ACOT1: variants seen among roughly 807,000 people sequenced by gnomAD.
The protein encoded by ACOT1 is acyl-CoA thioesterase 1.
Under a neutral mutation model 15.7 loss-of-function variants are expected in ACOT1, and 8 were observed. That is an observed-to-expected ratio of 0.51 (90% CI 0.30 to 0.92). The LOEUF is 0.92. Among genes scored for constraint, ACOT1 ranks in the 40% least tolerant of loss-of-function variants. ACOT1 has a pLI of 0.06. For synonymous variants in ACOT1, 67 were observed against 241.2 expected, an observed-to-expected ratio of 0.28 and a Z score of 6.69; for missense variants, 151 against 539.4, an observed-to-expected ratio of 0.28 and a Z score of 7.13.
the ACOT1 span, chr14:73,491,482 A>T: frequency 1.3e-6 from 2 of 1,498,280 alleles, no homozygotes; most frequent in Non-Finnish European, 1.8e-6. Flanking sequence ...CGCAACACTT[A>T]GCGGCCGTCC....
the ACOT1 span, chr14:73,500,561 G>C: frequency 6.2e-7 from 1 of 1,612,818 alleles, no homozygotes; most frequent in South Asian, 1.1e-5. Flanking sequence ...ATCTTGTCGC[G>C]GATCTGCAGG....
the ACOT1 span, among the ~76,000 whole-genome samples, chr14:73,526,520 G>T: frequency 6.6e-6 from 1 of 152,154 alleles, no homozygotes; most frequent in Admixed American, 6.5e-5. Context: ...AGCTCAGGGA[G>T]AGACTCCTAC....
chr14:73,491,884 G>A, the ACOT1 span: 2 of 1,611,528 alleles, frequency 1.2e-6, no homozygotes, highest in African/African-American at 2.7e-5. Flanking sequence ...CGTGGTCCCT[G>A]TACCAGGCCG....
chr14:73,496,784 A>G, the ACOT1 span: 2 of 686,886 alleles, frequency 2.9e-6, no homozygotes, highest in Admixed American at 2.5e-5. Flanking sequence ...CCAAGTTCCA[A>G]TCCTAACTGT....
the ACOT1 span, chr14:73,496,491 G>C: frequency 1.5e-6 from 1 of 676,896 alleles, no homozygotes; most frequent in East Asian, 2.6e-5. Flanking sequence ...GTTTTAGAAA[G>C]TACTTCTATG....
chr14:73,506,062 T>A, the ACOT1 span, among the ~76,000 whole-genome samples: 1 of 152,012 alleles, frequency 6.6e-6, no homozygotes, highest in East Asian at 1.9e-4. Context: ...TGCTAATTTT[T>A]GTATTTTTAG....
the ACOT1 span, chr14:73,491,556 C>G: frequency 6.5e-7 from 1 of 1,538,472 alleles, no homozygotes; most frequent in Non-Finnish European, 8.7e-7. Flanking sequence ...GGGGAGCCGG[C>G]CTGGGACTCC....
At chr14:73,509,531 G>A in the ACOT1 span, 3 of 1,580,960 alleles carry the variant, frequency 1.9e-6, no homozygotes, top group South Asian at 1.1e-5. Context: ...CTCACACACA[G>A]CTTCCTTCCT....
chr14:73,496,513 G>T, the ACOT1 span: 1 of 778,206 alleles, frequency 1.3e-6, no homozygotes. Context: ...TGGGAAAAAG[G>T]GTATGTACAT....
chr14:73,509,866 A>ATATATATATT, the ACOT1 span, among the ~76,000 whole-genome samples: 1 of 67,504 alleles, frequency 1.5e-5, no homozygotes, highest in Non-Finnish European at 3.0e-5. Flanking sequence ...ATATATATAT[A>ATATATATATT]TATTTATTTA....
At chr14:73,514,005 G>T in the ACOT1 span, 5 of 1,607,428 alleles carry the variant, frequency 3.1e-6, no homozygotes, top group Non-Finnish European at 3.4e-6. Context: ...CAAACGTACA[G>T]TATCACAGGA....
chr14:73,517,182 C>T, the ACOT1 span: 5 of 152,186 alleles, frequency 3.3e-5, no homozygotes, highest in East Asian at 3.9e-4. Flanking sequence ...GCATCAGCCT[C>T]GCGAGTGGCT....
At chr14:73,510,361 T>C in the ACOT1 span, among the ~76,000 whole-genome samples, 1 of 152,032 alleles carries the variant, frequency 6.6e-6, no homozygotes, top group African/African-American at 2.4e-5. Context: ...ACCAGAAGAA[T>C]ATGGGACAGG....
At chr14:73,520,832 CA>C in the ACOT1 span, 1 of 1,603,862 alleles carries the variant, frequency 6.2e-7, no homozygotes, top group Admixed American at 1.7e-5. Context: ...GCCCCTACCA[CA>C]GGGGCCCAGC....
At chr14:73,500,403 G>C in the ACOT1 span, 110 of 760,088 alleles carry the variant, frequency 1.4e-4, no homozygotes, top group Non-Finnish European at 2.1e-4. Flanking sequence ...AAACAGTCCT[G>C]TTTGAAGTGG....
At position 73,541,113 on chromosome 14, in the gene ACOT1, G is replaced by A; in HGVS notation, c.458-380G>A. ...TAAATGATAAAAATATTCAGTAAGT[G>A]GAGTCATTCAGAATGAGTAGCCTTT... is the stretch of plus-strand genomic sequence containing the variant. On this transcript the variant is annotated intron_variant, in intron 1 of 2. Coordinates refer to ENST00000311148, the MANE Select transcript of ACOT1 (RefSeq NM_001037161.2). Among the ~76,000 whole-genome samples the A allele has an allele frequency of 1.8e-5, 2 of 113,518 alleles. 1 individual carries two copies. The highest frequency in any genetic ancestry group is 3.8e-5 in the Non-Finnish European group (2 of 52,546). 74.5% of individuals were successfully genotyped at this position (113,518 alleles called of 152,430 possible).
chr14:73,508,258 A>AAGC, the ACOT1 span: 4 of 1,614,066 alleles, frequency 2.5e-6, no homozygotes, highest in Non-Finnish European at 3.4e-6. Context: ...TTCCAGAGCC[A>AAGC]AGCACTGAGC....
the ACOT1 span, among the ~76,000 whole-genome samples, chr14:73,524,310 A>ATATATATATATATAT: frequency 2.9e-4 from 16 of 54,774 alleles, no homozygotes; most frequent in East Asian, 4.5e-4. Flanking sequence ...AAAAAAAAAA[A>ATATATATATATATAT]ATATATATAT....
rs1382018979 is a variant in ACOT1, at chr14:73,539,087, C to G, written c.457+1209C>G. 1.7e-5 allele frequency: 2 copies of G among 115,130 alleles called. 1 individual carries two copies. The highest frequency in any genetic ancestry group is 1.9e-4 in the Admixed American group (2 of 10,290). 7.1% of individuals were successfully genotyped at this position (115,130 alleles called of 1,614,324 possible). A position where few individuals can be genotyped will look rare whatever the true frequency, so the allele number is the denominator to read the frequency against. On this transcript the variant is annotated intron_variant, in intron 1 of 2. Transcript: ENST00000311148. ...TTTTTTTTAATAAAAAGAATTCCAACTGGTTTTCTCACTGTATTTCCATGG... is the reference window on the plus strand; with the variant it reads ...TTTTTTTTAATAAAAAGAATTCCAAGTGGTTTTCTCACTGTATTTCCATGG...
Sources: allele counts gnomAD v4.1 joint callset (sites outside exome capture counted in the v4.1 genomes callset), GRCh38; gene constraint gnomAD v4.1.1; transcripts MANE v1.5; gene names NCBI Gene and HGNC (gene_info 2026-07-23, HGNC 2026-07-21).